The following ZFHX3 variants were observed in gnomAD, a reference collection of about 807,000 sequenced individuals.
The protein encoded by ZFHX3 is zinc finger homeobox 3, also known as zinc finger homeobox protein 3.
A neutral mutation model predicts 279.1 loss-of-function variants in ZFHX3; 42 were observed. The ratio of observed to expected loss-of-function variants is 0.15; its 90% CI spans 0.12 to 0.19. The LOEUF is 0.19. Among genes scored for constraint, ZFHX3 ranks in the 10% least tolerant of loss-of-function variants. ZFHX3 has a pLI of 1.00. For missense variants in ZFHX3, 4,981 were observed against 4,754.0 expected (o/e 1.05, Z -1.40); for synonymous variants, 2,293 against 1,957.8 (o/e 1.17, Z -4.52).
chr16:73,176,797 T>C (rs1426340629), intron 5 of ZFHX3, among the ~76,000 whole-genome samples: 1 of 152,088 alleles, frequency 6.6e-6, no homozygotes, highest in Non-Finnish European at 1.5e-5. Flanking sequence ...TCCAGCCCTA[T>C]CCTGCCATCT....
At chr16:73,179,307 C>T (rs140645441) in intron 5 of ZFHX3, among the ~76,000 whole-genome samples, 119 of 152,226 alleles carry the variant, frequency 7.8e-4, no homozygotes, top group African/African-American at 2.8e-3. Context: ...ATTTCTGGGC[C>T]ACCTACAAGT....
intron 4 of ZFHX3, among the ~76,000 whole-genome samples, chr16:73,302,407 C>T (rs1356369383): frequency 6.6e-6 from 1 of 152,204 alleles, no homozygotes; most frequent in East Asian, 1.9e-4. Flanking sequence ...CCAGAGCCCA[C>T]TGGATATTCC....
chr16:73,191,028 T>C (rs115255949), intron 5 of ZFHX3, among the ~76,000 whole-genome samples: 109 of 152,128 alleles, frequency 7.2e-4, no homozygotes, highest in African/African-American at 2.6e-3. Context: ...ACCAAATCCA[T>C]GGCTGAAAAG....
At chr16:73,673,217 A>C (rs988209836) in intron 2 of ZFHX3, among the ~76,000 whole-genome samples, 6 of 152,182 alleles carry the variant, frequency 3.9e-5, no homozygotes, top group African/African-American at 1.2e-4. Context: ...GGAGGATATC[A>C]AGATAAGAAT....
At chr16:73,509,457 A>G (rs1369702242) in intron 2 of ZFHX3, among the ~76,000 whole-genome samples, 2 of 149,692 alleles carry the variant, frequency 1.3e-5, no homozygotes, top group African/African-American at 4.9e-5. Context: ...CTCTGACTAC[A>G]TCTCCCACTT....
At chr16:73,288,331 C>G (rs538693802) in intron 4 of ZFHX3, among the ~76,000 whole-genome samples, 3 of 152,196 alleles carry the variant, frequency 2.0e-5, no homozygotes, top group African/African-American at 7.2e-5. Flanking sequence ...GGACATCCCT[C>G]CATGTGGTTC....
chr16:72,961,482 G>A lies in ZFHX3; in HGVS notation c.-49-1288C>T, dbSNP rs140295890. On this transcript the variant is annotated intron_variant, in intron 1 of 9. Transcript: ENST00000268489. ...CTCGCAGAGCCCTGATCCTTTGCCC[G>A]TAGGTCCCCAGCCACCATTCCCCTG... is the stretch of plus-strand genomic sequence containing the variant. Among the ~76,000 whole-genome samples, 20 of 152,218 alleles carry A rather than the reference G, an allele frequency of 1.3e-4. No individual in the cohort carries two copies. The East Asian group carries it at 1.9e-3, about 15-fold the overall frequency.
intron 7 of ZFHX3, among the ~76,000 whole-genome samples, chr16:73,113,151 G>T (rs1364694043): frequency 2.0e-5 from 3 of 152,032 alleles, no homozygotes; most frequent in Non-Finnish European, 4.4e-5. Flanking sequence ...GAAAGAGAAG[G>T]TCAGAAAGAA....
intron 3 of ZFHX3, among the ~76,000 whole-genome samples, chr16:73,361,068 T>C (rs1034003349): frequency 1.3e-5 from 2 of 152,210 alleles, no homozygotes; most frequent in African/African-American, 2.4e-5. Context: ...GGAAAGCTCA[T>C]CAAAGCCTGG....
chr16:73,761,586 C>G (rs998499313), intron 1 of ZFHX3, among the ~76,000 whole-genome samples: 2 of 152,130 alleles, frequency 1.3e-5, no homozygotes, highest in African/African-American at 4.8e-5. Context: ...TCAAACTATA[C>G]TACAAGGCTA....
intron 4 of ZFHX3, among the ~76,000 whole-genome samples, chr16:72,889,424 GT>G (rs1264331739): frequency 1.3e-5 from 2 of 151,062 alleles, no homozygotes; most frequent in African/African-American, 2.4e-5. Flanking sequence ...TGCTCCCTGG[GT>G]AGTAGCTTGT....
chr16:73,377,596 C>T (rs948385199), intron 3 of ZFHX3, among the ~76,000 whole-genome samples: 21 of 152,260 alleles, frequency 1.4e-4, no homozygotes, highest in African/African-American at 4.8e-4. Flanking sequence ...CTTTCAGTAG[C>T]TACTTGGTAC....
chr16:73,667,627 C>G (rs551977406), intron 2 of ZFHX3, among the ~76,000 whole-genome samples: 2 of 152,262 alleles, frequency 1.3e-5, no homozygotes, highest in East Asian at 3.9e-4. Flanking sequence ...ATACTGGTCC[C>G]TAATATTTGG....
chr16:73,371,625 A>G (rs982995493), intron 3 of ZFHX3, among the ~76,000 whole-genome samples: 2 of 152,088 alleles, frequency 1.3e-5, no homozygotes, highest in African/African-American at 4.8e-5. Flanking sequence ...CCCTCAGTCC[A>G]TCTTGGTTTG....
chr16:73,316,156 T>G (rs1455527339), intron 4 of ZFHX3, among the ~76,000 whole-genome samples: 1 of 152,150 alleles, frequency 6.6e-6, no homozygotes, highest in African/African-American at 2.4e-5. Context: ...AAACCTCAGG[T>G]GTTCTAGCAA....
rs141316505 is a variant in ZFHX3 at position 72,788,381 on chromosome 16, G to C, written c.9895C>G (p.Pro3299Ala). 2 of 1,614,202 alleles carry C rather than the reference G, an allele frequency of 1.2e-6. No homozygotes were observed. The highest frequency in any genetic ancestry group is 2.2e-5 in the East Asian group (1 of 44,866). ...QALQAALTSD[P>A]TALLTSQFLP... ...AACTGGCTTGTGAGCAATGCTGTGG[G>C]GTCCGAAGTCAACGCGGCCTGCAGG... The change falls in exon 10 of 10, where the codon CCC (proline) becomes GCC (alanine). Residue 3299 changes from proline (P) to alanine (A), a missense_variant. Physicochemically the swap from Pro to Ala is conservative, Grantham distance 27. Coordinates refer to ENST00000268489, the MANE Select transcript of ZFHX3 (RefSeq NM_006885.4).
At chr16:73,119,215 T>C (rs1966466667) in intron 7 of ZFHX3, among the ~76,000 whole-genome samples, 1 of 152,168 alleles carries the variant, frequency 6.6e-6, no homozygotes, top group Non-Finnish European at 1.5e-5. Flanking sequence ...GTGATCCTCC[T>C]GCCTCAGCCT....
At chr16:72,871,731 C>T (rs1022444182) in intron 4 of ZFHX3, among the ~76,000 whole-genome samples, 10 of 152,046 alleles carry the variant, frequency 6.6e-5, no homozygotes, top group Admixed American at 5.9e-4. Flanking sequence ...CCCGCCTCAG[C>T]CTCCCAAAGT....
chr16:73,618,281 C>T (rs571753374), intron 2 of ZFHX3, among the ~76,000 whole-genome samples: 2 of 152,308 alleles, frequency 1.3e-5, no homozygotes, highest in African/African-American at 4.8e-5. Context: ...GATTCTCCAC[C>T]AACTTAAACT....
Sources: gnomAD v4.1 joint callset for allele counts (sites outside exome capture counted in the v4.1 genomes callset) on GRCh38, gnomAD v4.1.1 for gene constraint, MANE v1.5 for transcripts, NCBI Gene and HGNC (gene_info 2026-07-23, HGNC 2026-07-21) for gene names.